CCDC93: variants seen among roughly 807,000 people sequenced by gnomAD.
CCDC93 encodes CCC complex scaffolding subunit CCDC93.
CCDC93 carries 61 observed loss-of-function variants against 108.2 expected under a neutral mutation model. The observed-to-expected ratio is 0.56, with a 90% CI of 0.46 to 0.70. The LOEUF is 0.70. Ranked by LOEUF, CCDC93 falls within the 30% of genes least tolerant of loss-of-function variation. The pLI is 0.00. For synonymous variants in CCDC93, 276 were observed against 260.4 expected (o/e 1.06, Z -0.58); for missense variants, 685 against 764.2 (o/e 0.90, Z 1.22).
intron 1 of CCDC93, 40 bp downstream of exon 1, chr2:118,013,914 A>T: frequency 6.5e-7 from 1 of 1,530,932 alleles, no homozygotes; most frequent in Non-Finnish European, 8.8e-7. Context: ...CCCTCTCTTC[A>T]GGAACCCCGA....
intron 11 of CCDC93, among the ~76,000 whole-genome samples, chr2:117,966,459 T>C (rs1467700406): frequency 6.6e-6 from 1 of 152,228 alleles, no homozygotes; most frequent in Admixed American, 6.5e-5. Context: ...TGAGAGCTGA[T>C]AAAGGCTCCC....
chr2:117,977,469 T>C (rs749832374), intron 8 of CCDC93, among the ~76,000 whole-genome samples: 5 of 152,242 alleles, frequency 3.3e-5, no homozygotes, highest in Non-Finnish European at 7.3e-5. Context: ...ATAACATTTA[T>C]GTACCTGTCC....
chr2:117,930,865 C>T (rs976984215), intron 23 of CCDC93, 172 bp downstream of exon 23: 4 of 516,670 alleles, frequency 7.7e-6, no homozygotes, highest in Non-Finnish European at 1.0e-5. Flanking sequence ...CACAGAAAAA[C>T]GCAATCTTCA....
chr2:118,001,589 T>C (rs1676688729), intron 3 of CCDC93, among the ~76,000 whole-genome samples: 1 of 152,236 alleles, frequency 6.6e-6, no homozygotes, highest in Non-Finnish European at 1.5e-5. Context: ...GACACCGACC[T>C]TTCTCTAACA....
intron 4 of CCDC93, 52 bp downstream of exon 4, chr2:118,000,769 A>G: frequency 8.4e-7 from 1 of 1,190,402 alleles, no homozygotes; most frequent in South Asian, 1.2e-5. Flanking sequence ...AGCCAGGCCC[A>G]TCACAGGAAT....
At chr2:117,923,655 G>GGCCTGCCTGCCTGCCT (rs756961154) in intron 23 of CCDC93, among the ~76,000 whole-genome samples, 1 of 132,322 alleles carries the variant, frequency 7.6e-6, no homozygotes, top group Non-Finnish European at 1.6e-5. Context: ...AGCACAAGGA[G>GGCCTGCCTGCCTGCCT]GCCTGCCTGC....
At chr2:117,978,119 AAACATC>A in intron 7 of CCDC93, 89 bp from the exon 8 acceptor site, 1 of 1,158,780 alleles carries the variant, frequency 8.6e-7, no homozygotes, top group South Asian at 1.3e-5. Flanking sequence ...TTTACATGAA[AAACATC>A]AAGAGAATTT....
At chr2:117,920,480 A>C in intron 23 of CCDC93, 84 bp from the exon 24 acceptor site, 1 of 928,380 alleles carries the variant, frequency 1.1e-6, no homozygotes, top group African/African-American at 1.6e-5. Flanking sequence ...AGCCCTTCCC[A>C]TATCCCTATG....
chr2:117,955,855 G>C (rs922935077), intron 12 of CCDC93, among the ~76,000 whole-genome samples: 1 of 152,098 alleles, frequency 6.6e-6, no homozygotes, highest in African/African-American at 2.4e-5. Context: ...CCAGGTGAAG[G>C]GGCATACATT....
chr2:117,965,136 CCCT>C (rs1679518948), intron 11 of CCDC93, among the ~76,000 whole-genome samples: 1 of 151,912 alleles, frequency 6.6e-6, no homozygotes, highest in African/African-American at 2.4e-5. Flanking sequence ...AGACCCCCAC[CCCT>C]CCTGATTTTA....
rs200757900 is a variant in CCDC93 at position 117,986,015 on chromosome 2, G to C, written c.574C>G (p.Leu192Val). 1.3e-4 allele frequency: 209 copies of C among 1,613,680 alleles called. No homozygotes were observed. Among genetic ancestry groups the C allele is most frequent in the Non-Finnish European group, 1.7e-4 (199 of 1,179,754 alleles). Residue 192 changes from leucine to valine, a missense_variant, in exon 7 of 24, where the codon CTT becomes GTT. Coordinates refer to ENST00000376300, the MANE Select transcript of CCDC93 (RefSeq NM_019044.5). ...YKRHQGAEEL[L>V]DEESRIHATL... ...GCATGGATTCGAGATTCTTCATCAA[G>C]TAGCTCCTCTGCTCCCTGGTGGCGT...
At chr2:117,923,885 G>A (rs1480789242) in intron 23 of CCDC93, among the ~76,000 whole-genome samples, 4 of 152,180 alleles carry the variant, frequency 2.6e-5, no homozygotes, top group Non-Finnish European at 5.9e-5. Context: ...ACCCCAGTAG[G>A]GGCACATTGA....
intron 3 of CCDC93, 60 bp from the exon 4 acceptor site, chr2:118,000,992 C>CT: frequency 9.9e-7 from 1 of 1,014,148 alleles, no homozygotes; most frequent in South Asian, 1.3e-5. Flanking sequence ...TATGGCATCT[C>CT]TAAAGTCTGG....
Position 117,945,534 on chromosome 2 carries a change from G to T in CCDC93, c.1345C>A (p.His449Asn). ...CTGAGCAGGCAGGTACTTACGTCAT[G>T]AGTCATTGCAGAGGTCAAGGTACCA... Reference protein sequence around the residue: ...PPGTLTSAMTHDEDLDRRYNM... With the variant: ...PPGTLTSAMTNDEDLDRRYNM... The change falls in exon 17 of 24, where the codon CAT becomes AAT. Residue 449 changes from histidine to asparagine, a missense_variant. Coordinates refer to ENST00000376300, the MANE Select transcript of CCDC93 (RefSeq NM_019044.5). 1 of 1,613,908 alleles carries T rather than the reference G, an allele frequency of 6.2e-7. No individual in the cohort carries two copies. Among genetic ancestry groups the T allele is most frequent in the South Asian group, 1.1e-5 (1 of 91,080 alleles).
In CCDC93 at chr2:117,916,993, T is replaced by C. The variant is rs1009280534; in HGVS notation, c.*3350A>G. On this transcript the variant is annotated 3_prime_UTR_variant, in exon 24 of 24. Coordinates refer to ENST00000376300, the MANE Select transcript of CCDC93 (RefSeq NM_019044.5). ...TCTGCATTAAGATGTTCTTTTACTT[T>C]GAGGCCAACACCAGCCATGAGTAAA... The C allele has an allele frequency of 6.6e-6, 1 of 152,236 alleles. No homozygotes were observed. The highest frequency in any genetic ancestry group is 2.4e-5 in the African/African-American group (1 of 41,466). 9.4% of individuals were successfully genotyped at this position (152,236 alleles called of 1,614,324 possible). A position where few individuals can be genotyped will look rare whatever the true frequency, so the allele number is the denominator to read the frequency against.
chr2:117,961,998 T>G (rs1027032431), intron 11 of CCDC93, among the ~76,000 whole-genome samples: 1 of 152,250 alleles, frequency 6.6e-6, no homozygotes, highest in Non-Finnish European at 1.5e-5. Context: ...TGACTTCTAG[T>G]GTAAATTTAG....
intron 20 of CCDC93, 38 bp from the exon 21 acceptor site, chr2:117,936,777 GC>G (rs781255520): frequency 1.1e-5 from 18 of 1,574,922 alleles, no homozygotes; most frequent in Non-Finnish European, 1.6e-5. Context: ...TATAAGACAG[GC>G]AAAAAGATTT....
intron 11 of CCDC93, among the ~76,000 whole-genome samples, chr2:117,961,455 T>C (rs1425197739): frequency 6.6e-6 from 1 of 152,222 alleles, no homozygotes; most frequent in Non-Finnish European, 1.5e-5. Context: ...GACAGTGCTA[T>C]GGGAAGCTGC....
chr2:117,990,299 C>G (rs1440269207), intron 6 of CCDC93, among the ~76,000 whole-genome samples: 2 of 152,188 alleles, frequency 1.3e-5, no homozygotes, highest in Non-Finnish European at 2.9e-5. Flanking sequence ...AAAATACCAC[C>G]TCCTGTTGGG....
Sources: allele counts gnomAD v4.1 joint callset (sites outside exome capture counted in the v4.1 genomes callset), GRCh38; gene constraint gnomAD v4.1.1; transcripts MANE v1.5; gene names NCBI Gene and HGNC (gene_info 2026-07-23, HGNC 2026-07-21).